The following PITPNM3 variants were observed in gnomAD, a reference collection of about 807,000 sequenced individuals.
PITPNM3 encodes membrane-associated phosphatidylinositol transfer protein 3.
A neutral mutation model predicts 102.0 loss-of-function variants in PITPNM3; 26 were observed. The ratio of observed to expected loss-of-function variants is 0.25; its 90% CI spans 0.19 to 0.35. The LOEUF is 0.35. Ranked by LOEUF, PITPNM3 falls within the 10% of genes least tolerant of loss-of-function variation. The pLI is 1.00. For missense variants in PITPNM3, 1,083 were observed against 1,346.1 expected (o/e 0.80, Z 3.06); for synonymous variants, 578 against 558.6 (o/e 1.03, Z -0.49).
intron 1 of PITPNM3, among the ~76,000 whole-genome samples, chr17:6,546,636 C>T (rs1045913176): frequency 6.6e-6 from 1 of 152,234 alleles, no homozygotes; most frequent in African/African-American, 2.4e-5. Context: ...AGACTAAGCC[C>T]TGACCCTGGC....
At chr17:6,477,533 C>T (rs1024403317) in intron 8 of PITPNM3, among the ~76,000 whole-genome samples, 1 of 151,820 alleles carries the variant, frequency 6.6e-6, no homozygotes, top group Non-Finnish European at 1.5e-5. Context: ...TGATACACTT[C>T]TTCTTCTTCT....
intron 3 of PITPNM3, among the ~76,000 whole-genome samples, chr17:6,518,742 A>C (rs892686607): frequency 1.3e-5 from 2 of 152,240 alleles, no homozygotes; most frequent in Non-Finnish European, 2.9e-5. Flanking sequence ...TAAGAATGAG[A>C]GAGAAAGAGA....
intron 3 of PITPNM3, among the ~76,000 whole-genome samples, chr17:6,521,879 G>C (rs1908545307): frequency 6.6e-6 from 1 of 152,148 alleles, no homozygotes; most frequent in South Asian, 2.1e-4. Flanking sequence ...AGCTGATGTG[G>C]CACCCACTTT....
intron 4 of PITPNM3, among the ~76,000 whole-genome samples, chr17:6,497,761 G>T (rs1411051668): frequency 6.6e-6 from 1 of 152,198 alleles, no homozygotes; most frequent in Non-Finnish European, 1.5e-5. Flanking sequence ...TCAGGTGGCT[G>T]TTGTCATCCA....
chr17:6,482,179 GT>G (rs1905779945), intron 6 of PITPNM3, among the ~76,000 whole-genome samples: 1 of 151,886 alleles, frequency 6.6e-6, no homozygotes, highest in African/African-American at 2.4e-5. Flanking sequence ...TTCAGAAGGA[GT>G]CCTGCCCCAT....
At chr17:6,475,963 CTAATATATACAT>C (rs1905281253) in intron 9 of PITPNM3, among the ~76,000 whole-genome samples, 1 of 152,176 alleles carries the variant, frequency 6.6e-6, no homozygotes, top group Non-Finnish European at 1.5e-5. Flanking sequence ...TATAATCACC[CTAATATATACAT>C]TAACGTTTAT....
intron 9 of PITPNM3, among the ~76,000 whole-genome samples, chr17:6,475,423 T>C (rs142922134): frequency 1.2e-4 from 19 of 152,256 alleles, no homozygotes; most frequent in Non-Finnish European, 2.5e-4. Context: ...GTGAATCGAT[T>C]AACTGAATGC....
Position 6,556,089 on chromosome 17 carries a change from C to T in PITPNM3, c.22+296G>A, listed in dbSNP as rs981579327. 6.6e-6 allele frequency among the ~76,000 whole-genome samples: 1 copy of T among 152,082 alleles called. No individual in the cohort carries two copies. ...GTCTGCCCGGGGCCTCCGCGGGGTG[C>T]AGAGGGCTCCCAACGGCGGGACTGG... On this transcript the variant is annotated intron_variant, in intron 1 of 19. Transcript: ENST00000262483. This position sits in a 1 kb window ranked among gnomAD's most constrained non-coding sequence, Gnocchi z 5.2.
intron 3 of PITPNM3, among the ~76,000 whole-genome samples, chr17:6,523,095 C>T (rs901033081): frequency 1.7e-4 from 26 of 152,086 alleles, no homozygotes; most frequent in African/African-American, 5.6e-4. Context: ...CTCTTCTTCC[C>T]GCTCCCCATT....
rs558301009 is a variant in PITPNM3 at position 6,454,932 on chromosome 17, C to G, written c.*406G>C. On this transcript the variant is annotated 3_prime_UTR_variant, in exon 20 of 20. Transcript: ENST00000262483. ...CAAGACAGCCCAGAGGCTGTGCCTG[C>G]CAGCGGCGCTTGGTGCCGAGGCTGG... 4 of 223,384 alleles carry G rather than the reference C, an allele frequency of 1.8e-5. No individual in the cohort carries two copies. Among genetic ancestry groups the G allele is most frequent in the Non-Finnish European group, 2.6e-5 (3 of 113,820 alleles). The allele number at this position is 223,384 out of a possible 1,614,324, so 13.8% of individuals were successfully genotyped here.
chr17:6,489,970 C>T (rs547839537), intron 4 of PITPNM3, among the ~76,000 whole-genome samples: 62 of 152,048 alleles, frequency 4.1e-4, no homozygotes, highest in African/African-American at 1.5e-3. Flanking sequence ...CACCACTGCA[C>T]TCCAGCCTGG....
intron 17 of PITPNM3, among the ~76,000 whole-genome samples, chr17:6,461,863 C>CCCTCCTCCT (rs113263719): frequency 2.0e-5 from 3 of 151,230 alleles, no homozygotes; most frequent in Non-Finnish European, 4.4e-5. Context: ...GTGCCTCCCT[C>CCCTCCTCCT]CCTCCTCCTC....
chr17:6,520,308 T>C (rs1908434607), intron 3 of PITPNM3, among the ~76,000 whole-genome samples: 1 of 152,246 alleles, frequency 6.6e-6, no homozygotes. Context: ...ACAGTATCTA[T>C]TGCAATTTTC....
chr17:6,475,971 T>C (rs1252597044), intron 9 of PITPNM3, among the ~76,000 whole-genome samples: 1 of 152,184 alleles, frequency 6.6e-6, no homozygotes, highest in Non-Finnish European at 1.5e-5. Flanking sequence ...CCCTAATATA[T>C]ACATTAACGT....
intron 4 of PITPNM3, among the ~76,000 whole-genome samples, chr17:6,501,098 T>C (rs1459791337): frequency 6.6e-6 from 1 of 152,212 alleles, no homozygotes; most frequent in African/African-American, 2.4e-5. Flanking sequence ...ATCAATTCAA[T>C]TGTGTCTGTG....
At chr17:6,487,690 C>G (rs540123088) in intron 4 of PITPNM3, among the ~76,000 whole-genome samples, 2 of 152,200 alleles carry the variant, frequency 1.3e-5, no homozygotes, top group Admixed American at 1.3e-4. Flanking sequence ...CTGGACTCTG[C>G]GCCCTCACCC....
At chr17:6,518,061 A>T (rs1908287224) in intron 3 of PITPNM3, among the ~76,000 whole-genome samples, 2 of 152,336 alleles carry the variant, frequency 1.3e-5, no homozygotes, top group Middle Eastern at 3.4e-3. Context: ...TTTTTAACTC[A>T]TAAGGAACAT....
intron 16 of PITPNM3, 139 bp from the exon 17 acceptor site, chr17:6,464,020 C>A: frequency 6.5e-7 from 1 of 1,532,102 alleles, no homozygotes; most frequent in Middle Eastern, 1.7e-4. Context: ...CCTGATGCCA[C>A]GGCTGGTGAC....
chr17:6,484,575 G>A (rs898494332), intron 4 of PITPNM3, among the ~76,000 whole-genome samples: 6 of 152,230 alleles, frequency 3.9e-5, no homozygotes, highest in Admixed American at 1.3e-4. Context: ...ACTAGCCTGC[G>A]TTTCTTCACC....
Sources: gnomAD v4.1 joint callset for allele counts (sites outside exome capture counted in the v4.1 genomes callset) on GRCh38, gnomAD v4.1.1 for gene constraint, Gnocchi (gnomAD v3.1) non-coding constraint, MANE v1.5 for transcripts, NCBI Gene and HGNC (gene_info 2026-07-23, HGNC 2026-07-21) for gene names.